The following SUPT3H variants were observed in gnomAD, a reference collection of about 807,000 sequenced individuals.
SUPT3H encodes SPT3 homolog, SAGA and STAGA complex component, also known as transcription initiation protein SPT3 homolog.
SUPT3H carries 44 observed loss-of-function variants against 44.3 expected under a neutral mutation model. That is an observed-to-expected ratio of 0.99 (90% CI 0.78 to 1.28). The LOEUF is 1.28. Ranked by LOEUF, SUPT3H falls within the 50% of genes most tolerant of loss-of-function variation. The pLI is 0.00. For missense variants in SUPT3H, 380 were observed against 387.1 expected (o/e 0.98, Z 0.15); for synonymous variants, 124 against 125.6 (o/e 0.99, Z 0.09).
chr6:44,942,759 C>T (rs929704844), intron 9 of SUPT3H, among the ~76,000 whole-genome samples: 9 of 152,078 alleles, frequency 5.9e-5, no homozygotes, highest in African/African-American at 2.2e-4. Context: ...CTAAGTTCTT[C>T]CTGTATGGTA....
chr6:45,021,521 T>C (rs576102304), intron 3 of SUPT3H, among the ~76,000 whole-genome samples: 12 of 152,062 alleles, frequency 7.9e-5, no homozygotes, highest in African/African-American at 2.9e-4. Context: ...CTGTAACTTC[T>C]TCCAAATTTG....
downstream of SUPT3H, among the ~76,000 whole-genome samples, chr6:44,825,849 CA>C (rs2153406973): frequency 6.6e-6 from 1 of 152,068 alleles, no homozygotes; most frequent in East Asian, 1.9e-4. Context: ...AGTGAATATT[CA>C]GTAGTGATGA....
intron 2 of SUPT3H, among the ~76,000 whole-genome samples, chr6:45,234,920 C>G (rs1050699498): frequency 6.6e-6 from 1 of 152,072 alleles, no homozygotes; most frequent in African/African-American, 2.4e-5. Context: ...AGATACAAAA[C>G]GCTTCTTAAT....
At chr6:45,073,710 T>C (rs893818909) in intron 3 of SUPT3H, among the ~76,000 whole-genome samples, 2 of 151,966 alleles carry the variant, frequency 1.3e-5, no homozygotes, top group African/African-American at 4.8e-5. Flanking sequence ...AGCTAAATAG[T>C]TTCAGAAAAT....
intron 2 of SUPT3H, among the ~76,000 whole-genome samples, chr6:45,195,073 A>T (rs112482724): frequency 0.033 from 4,184 of 125,326 alleles, 221 homozygotes; most frequent in African/African-American, 0.11. Context: ...TTTTTATGTC[A>T]ATAAAAAACA....
chr6:44,863,475 T>C (rs1337159065), intron 10 of SUPT3H, among the ~76,000 whole-genome samples: 3 of 152,106 alleles, frequency 2.0e-5, no homozygotes, highest in Admixed American at 2.0e-4. Context: ...GGGAGCTCTA[T>C]AGTAAATGAC....
rs144660974 is a variant in SUPT3H at position 44,850,974 on chromosome 6, G to C, written c.913-21117C>G. Among the ~76,000 whole-genome samples, 330 of 152,258 alleles carry C rather than the reference G, an allele frequency of 2.2e-3. 1 individual carries two copies. Among genetic ancestry groups the C allele is most frequent in the African/African-American group, 7.6e-3 (316 of 41,548 alleles). ...TAGTAGGAACCCACCCATAGACCAAGTTCTCTCTTTTTTGGGAGCTCAAGG... is the reference window on the plus strand; with the variant it reads ...TAGTAGGAACCCACCCATAGACCAACTTCTCTCTTTTTTGGGAGCTCAAGG... On this transcript the variant is annotated intron_variant, in intron 10 of 10. Transcript: ENST00000371459.
chr6:44,988,628 T>TA (rs1032473796), intron 6 of SUPT3H, among the ~76,000 whole-genome samples: 2 of 150,994 alleles, frequency 1.3e-5, no homozygotes, highest in Non-Finnish European at 3.0e-5. Context: ...TTCCTATTTT[T>TA]AAAAAAAAGA....
chr6:44,961,840 A>G lies in SUPT3H; in HGVS notation c.505-12T>C, dbSNP rs1351973279. 5.7e-6 allele frequency: 9 copies of G among 1,582,746 alleles called. No homozygotes were observed. The highest frequency in any genetic ancestry group is 7.8e-6 in the Non-Finnish European group (9 of 1,161,182). On this transcript the variant is annotated splice_polypyrimidine_tract_variant and intron_variant, in intron 6 of 10. Transcript: ENST00000371459. ...TGTCTTTCTGCTCTCTAAAAGATAA[A>G]AATACATAACATTTTTTAAAGCAAG... is the stretch of plus-strand genomic sequence containing the variant.
chr6:44,832,252 G>A (rs1015720971), intron 10 of SUPT3H, among the ~76,000 whole-genome samples: 1 of 152,106 alleles, frequency 6.6e-6, no homozygotes, highest in Admixed American at 6.6e-5. Context: ...TATTTGTGTT[G>A]CAAATGTTGA....
chr6:45,102,076 C>T (rs975854377), intron 3 of SUPT3H, among the ~76,000 whole-genome samples: 1 of 151,990 alleles, frequency 6.6e-6, no homozygotes, highest in African/African-American at 2.4e-5. Context: ...TATAAGACTA[C>T]ACATTTGACA....
At chr6:45,214,296 GC>G (rs766565191) in intron 2 of SUPT3H, among the ~76,000 whole-genome samples, 1 of 151,928 alleles carries the variant, frequency 6.6e-6, no homozygotes, top group Non-Finnish European at 1.5e-5. Context: ...TGAAGAAAAA[GC>G]AAAAATTGCC....
intron 2 of SUPT3H, among the ~76,000 whole-genome samples, chr6:45,180,641 G>C (rs1172004603): frequency 6.6e-6 from 1 of 152,042 alleles, no homozygotes; most frequent in Non-Finnish European, 1.5e-5. Context: ...TTAATAAACG[G>C]TGCTGGGAAA....
intron 10 of SUPT3H, among the ~76,000 whole-genome samples, chr6:44,877,116 G>C (rs1777435682): frequency 6.6e-6 from 1 of 152,110 alleles, no homozygotes; most frequent in Non-Finnish European, 1.5e-5. Context: ...AATATGCTGA[G>C]CATTTTCCCA....
intron 3 of SUPT3H, among the ~76,000 whole-genome samples, chr6:45,085,534 G>T (rs1284035378): frequency 2.6e-5 from 4 of 151,966 alleles, no homozygotes; most frequent in South Asian, 2.1e-4. Flanking sequence ...CTAAGAACTT[G>T]GTTAATTCTA....
intron 2 of SUPT3H, among the ~76,000 whole-genome samples, chr6:45,345,303 A>AG (rs1790627121): frequency 6.6e-6 from 1 of 152,214 alleles, no homozygotes; most frequent in African/African-American, 2.4e-5. Context: ...TGAGGTTGAC[A>AG]GTAAAACTTT....
intron 3 of SUPT3H, among the ~76,000 whole-genome samples, chr6:45,071,111 G>A (rs1481403911): frequency 6.6e-6 from 1 of 151,978 alleles, no homozygotes; most frequent in East Asian, 1.9e-4. Flanking sequence ...AAGAAAAATG[G>A]ACATAGTAAT....
intron 3 of SUPT3H, among the ~76,000 whole-genome samples, chr6:45,033,176 G>GT (rs1455979247): frequency 6.6e-6 from 1 of 152,110 alleles, no homozygotes; most frequent in African/African-American, 2.4e-5. Context: ...CTGAAATATA[G>GT]TAACAGCCCA....
intron 10 of SUPT3H, among the ~76,000 whole-genome samples, chr6:44,906,670 G>A (rs1379025011): frequency 6.6e-6 from 1 of 152,154 alleles, no homozygotes; most frequent in African/African-American, 2.4e-5. Context: ...GCTGAGGCAG[G>A]AGAATCGCTT....
Sources: gnomAD v4.1 joint callset for allele counts (sites outside exome capture counted in the v4.1 genomes callset) on GRCh38, gnomAD v4.1.1 for gene constraint, MANE v1.5 for transcripts, NCBI Gene and HGNC (gene_info 2026-07-23, HGNC 2026-07-21) for gene names.